The following ADGRA2 variants were observed in gnomAD, a reference collection of about 807,000 sequenced individuals.
The protein encoded by ADGRA2 is adhesion G protein-coupled receptor A2.
Under a neutral mutation model 98.7 loss-of-function variants are expected in ADGRA2, and 61 were observed. That is an observed-to-expected ratio of 0.62 (90% CI 0.50 to 0.76). The LOEUF is 0.76. Among genes scored for constraint, ADGRA2 ranks in the 30% least tolerant of loss-of-function variants. ADGRA2 has a pLI of 0.00. For missense variants in ADGRA2, 1,712 were observed against 1,860.0 expected (o/e 0.92, Z 1.46); for synonymous variants, 858 against 831.5 (o/e 1.03, Z -0.55).
chr8:37,841,478 G>A lies in ADGRA2; in HGVS notation c.3140G>A (p.Arg1047Gln), dbSNP rs764845625. 1.1e-5 allele frequency: 17 copies of A among 1,612,868 alleles called. No individual in the cohort carries two copies. Among genetic ancestry groups the A allele is most frequent in the Non-Finnish European group, 1.4e-5 (17 of 1,179,850 alleles). The change falls in exon 19 of 19, where the codon CGG becomes CAG. Residue 1047 changes from arginine (R) to glutamine (Q), a missense_variant. Coordinates refer to ENST00000412232, the MANE Select transcript of ADGRA2 (RefSeq NM_032777.10). The surrounding 1 kb of genome is among the most constrained non-coding windows in gnomAD (Gnocchi z 5.0). ...GCAGTGTCCCAGCGCTGGCTGCCCC[G>A]GGTGGTGTGCAGCTGCTTGTACGGG... ...ALAVSQRWLP[R>Q]VVCSCLYGVA... is the part of the protein sequence containing the mutation.
In ADGRA2 at chr8:37,841,846, C is replaced by A. The variant is rs749154139; in HGVS notation, c.3508C>A (p.His1170Asn). The stretch of plus-strand genomic sequence containing the variant: ...GGCGGGCACCCGGGGAAACCTCGCC[C>A]ACCGCCACCCCAACAACGTGCACCA... ...EPAGTRGNLA[H>N]RHPNNVHHGR... Residue 1170 changes from histidine to asparagine, a missense_variant, in exon 19 of 19, where the codon CAC (histidine) becomes AAC (asparagine). Physicochemically the swap from His to Asn is moderately conservative, Grantham distance 68. Coordinates refer to ENST00000412232, the MANE Select transcript of ADGRA2 (RefSeq NM_032777.10). The surrounding 1 kb of genome is among the most constrained non-coding windows in gnomAD (Gnocchi z 5.0). The A allele has an allele frequency of 1.3e-6, 2 of 1,531,954 alleles. No individual in the cohort carries two copies. The highest frequency in any genetic ancestry group is 1.7e-6 in the Non-Finnish European group (2 of 1,145,272). The allele number at this position is 1,531,954 out of a possible 1,614,324, so 94.9% of individuals were successfully genotyped here. A position where few individuals can be genotyped will look rare whatever the true frequency, so the allele number is the denominator to read the frequency against.
Position 37,799,826 on chromosome 8 carries a change from G to A in ADGRA2, c.266+2292G>A, listed in dbSNP as rs796584927. Reference sequence around the variant, plus strand: ...GCCAGGGACACCCTGGAGAGCCCACGGGTCCTTCAGCCTGGAGGGTAATGG... The same window carrying A: ...GCCAGGGACACCCTGGAGAGCCCACAGGTCCTTCAGCCTGGAGGGTAATGG... On this transcript the variant is annotated intron_variant, in intron 1 of 18. Transcript: ENST00000412232. Among the ~76,000 whole-genome samples, 4 of 152,246 alleles carry A rather than the reference G, an allele frequency of 2.6e-5. 1 individual carries two copies. Among genetic ancestry groups the A allele is most frequent in the South Asian group, 2.1e-4 (1 of 4,824 alleles).
At position 37,810,551 on chromosome 8, in the gene ADGRA2, G is replaced by A. The variant is rs140490697; in HGVS notation, c.267-4345G>A. Among the ~76,000 whole-genome samples the A allele has an allele frequency of 8.6e-3, 1,314 of 152,146 alleles. 17 individuals are homozygous for A. The highest frequency in any genetic ancestry group is 0.03 in the African/African-American group (1,256 of 41,524). The stretch of plus-strand genomic sequence containing the variant: ...AACAGGGTCTCGCTCAGGCTGGAGT[G>A]CAGTGGTGCAATCACAGCTCACTGC... On this transcript the variant is annotated intron_variant, in intron 1 of 18. Coordinates refer to ENST00000412232, the MANE Select transcript of ADGRA2 (RefSeq NM_032777.10).
intron 1 of ADGRA2, among the ~76,000 whole-genome samples, chr8:37,800,568 T>C (rs1299532518): frequency 1.3e-5 from 2 of 152,116 alleles, no homozygotes; most frequent in African/African-American, 4.8e-5. Context: ...ATCCCTGCGC[T>C]GGGGGAACAG....
chr8:37,813,693 C>T (rs1323563606), intron 1 of ADGRA2, among the ~76,000 whole-genome samples: 1 of 152,128 alleles, frequency 6.6e-6, no homozygotes, highest in Non-Finnish European at 1.5e-5. Context: ...CCTCCTCCAC[C>T]CCTCGCCCTA....
At chr8:37,819,418 C>G (rs559049899) in intron 2 of ADGRA2, among the ~76,000 whole-genome samples, 1 of 152,270 alleles carries the variant, frequency 6.6e-6, no homozygotes, top group East Asian at 1.9e-4. Flanking sequence ...TGTCACCAGG[C>G]TAAAGTGCAG....
chr8:37,823,441 G>C (rs1368356907), intron 2 of ADGRA2, among the ~76,000 whole-genome samples: 1 of 151,994 alleles, frequency 6.6e-6, no homozygotes, highest in East Asian at 1.9e-4. Flanking sequence ...TCTCAAGTGA[G>C]CCTCCTACTT....
At chr8:37,823,212 C>T (rs1805177222) in intron 2 of ADGRA2, among the ~76,000 whole-genome samples, 1 of 124,764 alleles carries the variant, frequency 8.0e-6, no homozygotes, top group African/African-American at 3.1e-5. Flanking sequence ...TTTTTTTTGA[C>T]AGACAGGGTC....
At chr8:37,829,637 C>A in intron 5 of ADGRA2, 78 bp downstream of exon 5, 1 of 1,123,822 alleles carries the variant, frequency 8.9e-7, no homozygotes, top group Non-Finnish European at 1.4e-6. Flanking sequence ...AGTATCATGA[C>A]CACCAGGACT....
rs1232489516 is a variant in ADGRA2, at chr8:37,842,267, A to G, written c.3929A>G (p.Lys1310Arg). 4.5e-6 allele frequency: 7 copies of G among 1,570,650 alleles called. No homozygotes were observed. Among genetic ancestry groups the G allele is most frequent in the South Asian group, 3.5e-5 (3 of 85,650 alleles). ...ASLNGAPKGG[K>R]YDDVTLMGAE... ...CTAAACGGCGCCCCCAAGGGGGGCA[A>G]GTACGACGACGTCACCCTGATGGGC... The change falls in exon 19 of 19, where the codon AAG (lysine) becomes AGG (arginine). Residue 1310 changes from lysine to arginine, a missense_variant. Coordinates refer to ENST00000412232, the MANE Select transcript of ADGRA2 (RefSeq NM_032777.10).
intron 1 of ADGRA2, among the ~76,000 whole-genome samples, chr8:37,799,413 C>T (rs1184673006): frequency 1.3e-5 from 2 of 151,174 alleles, no homozygotes; most frequent in African/African-American, 2.4e-5. Flanking sequence ...GAGAGCTGTG[C>T]GTGCATGTGT....
At chr8:37,824,489 AT>A (rs34639785) in intron 2 of ADGRA2, among the ~76,000 whole-genome samples, 10,072 of 114,592 alleles carry the variant, frequency 0.088, 343 homozygotes, top group African/African-American at 0.17. Context: ...CTAAGGTGCA[AT>A]TTTTTTTTTT....
At position 37,841,766 on chromosome 8, in the gene ADGRA2, A is replaced by G. The variant is rs754298652; in HGVS notation, c.3428A>G (p.Gln1143Arg). The G allele has an allele frequency of 1.3e-6, 2 of 1,539,202 alleles. No individual in the cohort carries two copies. The highest frequency in any genetic ancestry group is 5.0e-5 in the East Asian group (2 of 40,398). ...AAGCTCACCAACCTGCAGCTGGCCC[A>G]GAGTCAGGTGTGCGAGGCGGGGGCG... ...PCKLTNLQLA[Q>R]SQVCEAGAAA... Residue 1143 changes from glutamine (Q) to arginine (R), a missense_variant, in exon 19 of 19, where the codon CAG becomes CGG. By Grantham distance (43) the Gln-to-Arg change is conservative (BLOSUM62 1). Transcript: ENST00000412232. This position sits in a 1 kb window ranked among gnomAD's most constrained non-coding sequence, Gnocchi z 5.0.
At chr8:37,806,204 G>A (rs1804653867) in intron 1 of ADGRA2, among the ~76,000 whole-genome samples, 1 of 152,214 alleles carries the variant, frequency 6.6e-6, no homozygotes, top group Non-Finnish European at 1.5e-5. Context: ...ATGAATGGAA[G>A]TTTGCAGATA....
chr8:37,815,414 A>G (rs1040227392), intron 2 of ADGRA2, among the ~76,000 whole-genome samples: 38 of 152,204 alleles, frequency 2.5e-4, no homozygotes, highest in Non-Finnish European at 4.7e-4. Flanking sequence ...AAGTCCGATC[A>G]TTTCCAAGCC....
chr8:37,840,914 G>T, intron 18 of ADGRA2, 65 bp downstream of exon 18: 1 of 1,113,590 alleles, frequency 9.0e-7, no homozygotes, highest in Admixed American at 1.9e-5. Context: ...CACTCCACTG[G>T]CAGGGCCATC....
At chr8:37,840,991 G>A (rs1321292627) in intron 18 of ADGRA2, 95 bp from the exon 19 acceptor site, 9 of 1,314,432 alleles carry the variant, frequency 6.8e-6, no homozygotes, top group Admixed American at 5.4e-5. Context: ...CCTTGTCTCC[G>A]TACTCACCAT....
rs183237532 is a variant in ADGRA2 at position 37,815,602 on chromosome 8, G to A, written c.338+635G>A. On this transcript the variant is annotated intron_variant, in intron 2 of 18. Transcript: ENST00000412232. ...TGGTGGGGCCAGTGTGGGGAAGAGG[G>A]TTATCGAGGAGGAGCTGGTGGCTGT... Among the ~76,000 whole-genome samples the A allele has an allele frequency of 5.5e-3, 840 of 152,290 alleles. 21 individuals carry two copies. The highest frequency in any genetic ancestry group is 0.049 in the Admixed American group (751 of 15,304).
At chr8:37,828,785 A>G in intron 2 of ADGRA2, 103 bp from the exon 3 acceptor site, 1 of 883,476 alleles carries the variant, frequency 1.1e-6, no homozygotes, top group Non-Finnish European at 1.7e-6. Context: ...CAAGTCCCTG[A>G]GAAACCCAGC....
Sources: allele counts gnomAD v4.1 joint callset (sites outside exome capture counted in the v4.1 genomes callset), GRCh38; gene constraint gnomAD v4.1.1; non-coding constraint Gnocchi (gnomAD v3.1); transcripts MANE v1.5; gene names NCBI Gene and HGNC (gene_info 2026-07-23, HGNC 2026-07-21).